Variants in MANBA observed in about 807,000 individuals in gnomAD.
MANBA encodes the protein beta-mannosidase.
In MANBA, 83 loss-of-function variants were observed where a neutral mutation model predicts 111.1. That is an observed-to-expected ratio of 0.75 (90% CI 0.63 to 0.90). The LOEUF (loss-of-function observed/expected upper bound fraction) is 0.90, where lower values mean the gene tolerates loss of function less well. MANBA is among the 40% of genes least tolerant of loss of function. The pLI, the probability that MANBA is intolerant of heterozygous loss-of-function variation, is 0.00. For missense variants in MANBA, 1,036 were observed against 1,069.0 expected (o/e 0.97, Z 0.43); for synonymous variants, 370 against 378.7 (o/e 0.98, Z 0.27).
At chr4:102,712,285 C>T (rs1722107373) in intron 5 of MANBA, among the ~76,000 whole-genome samples, 1 of 152,156 alleles carries the variant, frequency 6.6e-6, no homozygotes, top group Non-Finnish European at 1.5e-5. Context: ...GAATTTTAAG[C>T]ATCATTTAAA....
intron 4 of MANBA, 43 bp from the exon 5 acceptor site, chr4:102,714,604 T>A (rs780448732): frequency 6.3e-7 from 1 of 1,575,984 alleles, no homozygotes; most frequent in Non-Finnish European, 8.7e-7. Flanking sequence ...CTGATTATGG[T>A]GAAATTTAAA....
Position 102,714,473 on chromosome 4 carries a change from C to T in MANBA, c.638G>A (p.Cys213Tyr), listed in dbSNP as rs1327634831. 6.2e-7 allele frequency: 1 copy of T among 1,606,816 alleles called. No individual in the cohort carries two copies. Among genetic ancestry groups the T allele is most frequent in the Admixed American group, 1.7e-5 (1 of 59,992 alleles). The change falls in exon 5 of 17, where the codon TGT becomes TAT. Residue 213 changes from cysteine (C) to tyrosine (Y), a missense_variant. Cys to Tyr is a radical substitution (Grantham distance 194, BLOSUM62 -2). Transcript: ENST00000647097. ...GGAAAATGTGAAGTAGTTCAGGTGA[C>T]AAATATTATAGGCTTCAATTCTAAC... Reference protein sequence around the residue: ...KDVRIEAYNICHLNYFTFSPI... With the variant: ...KDVRIEAYNIYHLNYFTFSPI...
At chr4:102,732,426 G>A (rs775503776) in intron 1 of MANBA, among the ~76,000 whole-genome samples, 8 of 152,226 alleles carry the variant, frequency 5.3e-5, no homozygotes, top group Non-Finnish European at 8.8e-5. Flanking sequence ...CTCTGTCTAA[G>A]TTCCACACAG....
chr4:102,716,861 T>A (rs1222587278), intron 4 of MANBA, among the ~76,000 whole-genome samples: 2 of 152,180 alleles, frequency 1.3e-5, no homozygotes, highest in East Asian at 3.8e-4. Flanking sequence ...GGGTATTATT[T>A]CCTTAGCTCT....
intron 1 of MANBA, chr4:102,727,616 T>G: frequency 6.4e-7 from 1 of 1,565,490 alleles, no homozygotes; most frequent in Non-Finnish European, 8.8e-7. Context: ...GACAGGCCAG[T>G]GCCCATGTTG....
chr4:102,684,179 A>T (rs372230696), intron 7 of MANBA, among the ~76,000 whole-genome samples: 1 of 152,316 alleles, frequency 6.6e-6, no homozygotes, highest in African/African-American at 2.4e-5. Flanking sequence ...AAAGATATAA[A>T]ACTGAAGCAA....
intron 12 of MANBA, among the ~76,000 whole-genome samples, chr4:102,652,478 T>A (rs1730378282): frequency 1.3e-5 from 2 of 152,148 alleles, no homozygotes; most frequent in African/African-American, 4.8e-5. Flanking sequence ...GGTGTGAAAA[T>A]CTTTCAAATT....
chr4:102,745,967 G>A (rs555869265), intron 1 of MANBA, among the ~76,000 whole-genome samples: 1 of 152,144 alleles, frequency 6.6e-6, no homozygotes, highest in Admixed American at 6.5e-5. Context: ...AGGGGTGTTG[G>A]GGGTGGCTCC....
intron 5 of MANBA, among the ~76,000 whole-genome samples, chr4:102,699,753 G>A (rs1269512023): frequency 7.3e-5 from 11 of 150,972 alleles, no homozygotes; most frequent in Admixed American, 6.6e-5. Context: ...TGCTGGATCC[G>A]GTTTGCCAGT....
chr4:102,746,959 G>A (rs1279272775), intron 1 of MANBA, among the ~76,000 whole-genome samples: 8 of 145,830 alleles, frequency 5.5e-5, no homozygotes, highest in Middle Eastern at 3.5e-3. Context: ...GTGACAGAGC[G>A]AGACTCCATC....
intron 7 of MANBA, among the ~76,000 whole-genome samples, chr4:102,679,006 C>G (rs1420919593): frequency 3.3e-5 from 5 of 152,192 alleles, no homozygotes; most frequent in Non-Finnish European, 5.9e-5. Context: ...TAAACATTGT[C>G]AAATGTCAAA....
chr4:102,685,967 G>A (rs548532392), intron 7 of MANBA, among the ~76,000 whole-genome samples: 5 of 151,968 alleles, frequency 3.3e-5, no homozygotes, highest in Admixed American at 6.5e-5. Context: ...TCCTTTCAAT[G>A]TGTCACATTA....
chr4:102,752,388 G>A (rs760011079), intron 1 of MANBA: 1 of 1,175,136 alleles, frequency 8.5e-7, no homozygotes, highest in Non-Finnish European at 1.3e-6. Context: ...TGGTGTCACT[G>A]TCCCTAACTT....
chr4:102,677,566 C>T (rs989942879), intron 7 of MANBA, among the ~76,000 whole-genome samples: 2 of 152,126 alleles, frequency 1.3e-5, no homozygotes, highest in Admixed American at 6.5e-5. Context: ...TAACAGAGAA[C>T]AAAAAGTTTA....
intron 1 of MANBA, chr4:102,752,482 A>G: frequency 2.7e-6 from 2 of 751,640 alleles, no homozygotes; most frequent in Non-Finnish European, 5.0e-6. Context: ...TAACATTGTC[A>G]AGTTGTGGGA....
At chr4:102,753,799 G>C (rs746504854) in intron 1 of MANBA, 2 of 199,932 alleles carry the variant, frequency 1.0e-5, no homozygotes, top group Non-Finnish European at 2.1e-5. Context: ...CTATATTAAA[G>C]AGGCCACCCA....
At chr4:102,640,537 T>A (rs892407758) in intron 13 of MANBA, among the ~76,000 whole-genome samples, 1 of 152,150 alleles carries the variant, frequency 6.6e-6, no homozygotes, top group African/African-American at 2.4e-5. Context: ...AAAATCAGTC[T>A]CTTTTATCGC....
intron 1 of MANBA, among the ~76,000 whole-genome samples, chr4:102,744,597 G>T (rs1238290565): frequency 6.6e-6 from 1 of 152,200 alleles, no homozygotes; most frequent in Non-Finnish European, 1.5e-5. Flanking sequence ...TGCATACCAG[G>T]TACCAGGAGA....
intron 7 of MANBA, among the ~76,000 whole-genome samples, chr4:102,687,439 C>G (rs888028099): frequency 6.6e-6 from 1 of 152,206 alleles, no homozygotes; most frequent in Non-Finnish European, 1.5e-5. Context: ...GCTCACTAGG[C>G]CCTGCAGGAC....
Sources: gnomAD v4.1 joint callset for allele counts (sites outside exome capture counted in the v4.1 genomes callset) on GRCh38, gnomAD v4.1.1 for gene constraint, MANE v1.5 for transcripts, NCBI Gene and HGNC (gene_info 2026-07-23, HGNC 2026-07-21) for gene names.